The following MAF variants were observed in gnomAD, a reference collection of about 807,000 sequenced individuals.
MAF encodes the protein transcription factor Maf.
MAF carries 10 observed loss-of-function variants against 22.0 expected under a neutral mutation model. The observed-to-expected ratio is 0.45, with a 90% CI of 0.28 to 0.77. The LOEUF (loss-of-function observed/expected upper bound fraction) is 0.77. Ranked by LOEUF, MAF falls within the 30% of genes least tolerant of loss-of-function variation. The pLI is 0.12. For missense variants in MAF, 544 were observed against 548.4 expected (o/e 0.99, Z 0.08); for synonymous variants, 337 against 255.8 (o/e 1.32, Z -3.03).
the MAF span, among the ~76,000 whole-genome samples, chr16:79,577,577 C>A: frequency 2.0e-4 from 31 of 152,108 alleles, no homozygotes; most frequent in South Asian, 2.1e-3. Flanking sequence ...TTTTGGGTGA[C>A]CTCCAAAGGG....
the MAF span, among the ~76,000 whole-genome samples, chr16:79,285,934 C>G: frequency 6.6e-6 from 1 of 152,204 alleles, no homozygotes; most frequent in African/African-American, 2.4e-5. Flanking sequence ...ACCATCTCTG[C>G]CCCCATATTT....
chr16:79,257,583 G>A, the MAF span, among the ~76,000 whole-genome samples: 687 of 152,256 alleles, frequency 4.5e-3, 11 homozygotes, highest in African/African-American at 0.016. Context: ...ACCTTGTACT[G>A]CTTATCTTGC....
At chr16:79,526,187 C>A in the MAF span, among the ~76,000 whole-genome samples, 22 of 152,128 alleles carry the variant, frequency 1.4e-4, no homozygotes, top group African/African-American at 5.3e-4. Flanking sequence ...CTTTTTGGCA[C>A]CAGGAGCCGG....
At chr16:79,529,033 C>G in the MAF span, among the ~76,000 whole-genome samples, 1 of 152,188 alleles carries the variant, frequency 6.6e-6, no homozygotes, top group East Asian at 1.9e-4. Context: ...GGAGCTTCTA[C>G]TTTTGTTCTT....
At chr16:79,393,898 C>T in the MAF span, among the ~76,000 whole-genome samples, 2 of 152,174 alleles carry the variant, frequency 1.3e-5, no homozygotes, top group African/African-American at 4.8e-5. Flanking sequence ...ATGAAGTTAA[C>T]AATAGCAGCC....
chr16:79,428,426 C>T, the MAF span, among the ~76,000 whole-genome samples: 113 of 152,262 alleles, frequency 7.4e-4, no homozygotes, highest in Admixed American at 1.4e-3. Context: ...TTGCACGGGA[C>T]GTGGTGTCCT....
chr16:79,336,777 T>C, the MAF span, among the ~76,000 whole-genome samples: 2 of 152,218 alleles, frequency 1.3e-5, no homozygotes, highest in African/African-American at 2.4e-5. Flanking sequence ...TCTTCTGTAA[T>C]TTGGTGAGGA....
the MAF span, among the ~76,000 whole-genome samples, chr16:79,399,601 C>T: frequency 2.0e-5 from 3 of 152,076 alleles, no homozygotes; most frequent in African/African-American, 2.4e-5. Flanking sequence ...GTCACTGATA[C>T]GCCCCAGCCA....
chr16:79,522,523 G>A, the MAF span, among the ~76,000 whole-genome samples: 1 of 152,214 alleles, frequency 6.6e-6, no homozygotes, highest in Non-Finnish European at 1.5e-5. Flanking sequence ...TGACTATCCT[G>A]TAGCCGGCAC....
chr16:79,520,971 C>A, the MAF span, among the ~76,000 whole-genome samples: 1 of 152,194 alleles, frequency 6.6e-6, no homozygotes, highest in Non-Finnish European at 1.5e-5. Context: ...AACTGAGGCT[C>A]AGAGAGTTCA....
chr16:79,284,258 A>G, the MAF span, among the ~76,000 whole-genome samples: 6 of 152,288 alleles, frequency 3.9e-5, no homozygotes, highest in African/African-American at 1.4e-4. Flanking sequence ...AGGTCTTGAT[A>G]TGAAAGATGT....
At chr16:79,212,166 G>A in the MAF span, 30 of 1,486,850 alleles carry the variant, frequency 2.0e-5, 1 homozygote, top group South Asian at 3.0e-4. Context: ...TACCACCACG[G>A]CCACCACTGC....
At chr16:79,597,472 C>T (rs570656515) in intron 1 of MAF, 85 of 1,024,960 alleles carry the variant, frequency 8.3e-5, no homozygotes, top group African/African-American at 1.9e-4. Context: ...CAAAGTGGGG[C>T]GTCATTCTTA....
At chr16:79,453,631 T>G in the MAF span, among the ~76,000 whole-genome samples, 1 of 152,162 alleles carries the variant, frequency 6.6e-6, no homozygotes, top group East Asian at 1.9e-4. Flanking sequence ...AATAATCAAT[T>G]TGCTATATTC....
the MAF span, among the ~76,000 whole-genome samples, chr16:79,333,808 C>G: frequency 6.6e-6 from 1 of 152,166 alleles, no homozygotes; most frequent in Non-Finnish European, 1.5e-5. Context: ...ATCCCAGCAT[C>G]TCACCTGGAT....
chr16:79,512,652 A>G, the MAF span, among the ~76,000 whole-genome samples: 1 of 152,184 alleles, frequency 6.6e-6, no homozygotes, highest in South Asian at 2.1e-4. Context: ...TTATGAAAAC[A>G]ACTGTTTAAT....
the MAF span, among the ~76,000 whole-genome samples, chr16:79,223,388 T>G: frequency 2.0e-4 from 31 of 152,142 alleles, no homozygotes; most frequent in Non-Finnish European, 3.1e-4. Context: ...TTTATAGCAC[T>G]AAATGCCCAC....
chr16:79,383,104 T>A, the MAF span, among the ~76,000 whole-genome samples: 25 of 152,288 alleles, frequency 1.6e-4, no homozygotes, highest in African/African-American at 5.8e-4. Flanking sequence ...CTTGATAAAA[T>A]GTAAACCACT....
the MAF span, among the ~76,000 whole-genome samples, chr16:79,387,083 G>A: frequency 5.3e-5 from 8 of 152,080 alleles, no homozygotes; most frequent in African/African-American, 1.9e-4. Context: ...GTTGTTTTTG[G>A]TTTTGTTATT....
Sources: gnomAD v4.1 joint callset for allele counts (sites outside exome capture counted in the v4.1 genomes callset) on GRCh38, gnomAD v4.1.1 for gene constraint, MANE v1.5 for transcripts, NCBI Gene and HGNC (gene_info 2026-07-23, HGNC 2026-07-21) for gene names.